Variants in EYS observed in about 807,000 individuals in gnomAD.
EYS encodes protein eyes shut homolog.
A neutral mutation model predicts 282.1 loss-of-function variants in EYS; 250 were observed. The observed-to-expected ratio is 0.89, with a 90% CI of 0.80 to 0.98. The LOEUF (loss-of-function observed/expected upper bound fraction) is 0.98. Ranked by LOEUF, EYS falls within the 50% of genes least tolerant of loss-of-function variation. The pLI, the probability that EYS is intolerant of heterozygous loss-of-function variation, is 0.00. For missense variants in EYS, 4,016 were observed against 3,709.0 expected (o/e 1.08, Z -2.15); for synonymous variants, 1,355 against 1,282.9 (o/e 1.06, Z -1.20).
intron 36 of EYS, among the ~76,000 whole-genome samples, chr6:63,822,999 ACTAT>A (rs537187337): frequency 2.6e-5 from 4 of 152,286 alleles, no homozygotes; most frequent in African/African-American, 9.6e-5. Context: ...CTTATTTGTA[ACTAT>A]CTGATGACAT....
At chr6:63,860,439 T>C (rs1772505074) in intron 36 of EYS, among the ~76,000 whole-genome samples, 1 of 152,222 alleles carries the variant, frequency 6.6e-6, no homozygotes, top group African/African-American at 2.4e-5. Context: ...GGAATATTAA[T>C]GTCTTGTAGG....
chr6:64,420,794 T>C (rs1774207648), intron 28 of EYS, among the ~76,000 whole-genome samples: 1 of 152,202 alleles, frequency 6.6e-6, no homozygotes, highest in African/African-American at 2.4e-5. Flanking sequence ...GAATCACCTT[T>C]ATTCCCGTTC....
chr6:65,099,919 C>T (rs566550968), intron 12 of EYS, among the ~76,000 whole-genome samples: 1 of 150,606 alleles, frequency 6.6e-6, no homozygotes, highest in Non-Finnish European at 1.5e-5. Flanking sequence ...CACTTCATGG[C>T]AAAGATGAAA....
chr6:63,968,597 A>G (rs780865993), intron 35 of EYS, among the ~76,000 whole-genome samples: 1 of 152,194 alleles, frequency 6.6e-6, no homozygotes, highest in Non-Finnish European at 1.5e-5. Flanking sequence ...TTCAGTTTGA[A>G]TATTAGCTAT....
chr6:65,634,664 A>G (rs1767027156), intron 2 of EYS, among the ~76,000 whole-genome samples: 1 of 152,188 alleles, frequency 6.6e-6, no homozygotes, highest in African/African-American at 2.4e-5. Flanking sequence ...GTTAATAGCA[A>G]TTTAATGTTT....
At chr6:64,643,378 G>A (rs1768240907) in intron 22 of EYS, among the ~76,000 whole-genome samples, 1 of 151,978 alleles carries the variant, frequency 6.6e-6, no homozygotes, top group African/African-American at 2.4e-5. Context: ...AATTGTCCTG[G>A]GCCAAAAACA....
At chr6:64,666,230 C>A (rs1450764499) in intron 22 of EYS, among the ~76,000 whole-genome samples, 3 of 152,150 alleles carry the variant, frequency 2.0e-5, no homozygotes, top group Non-Finnish European at 4.4e-5. Context: ...AAGTGTACCC[C>A]CAAACCTAAA....
intron 13 of EYS, among the ~76,000 whole-genome samples, chr6:65,016,394 G>GA (rs555297333): frequency 1.3e-5 from 2 of 152,136 alleles, no homozygotes; most frequent in Admixed American, 6.5e-5. Context: ...ACAAAAATGT[G>GA]AAAATGCTAA....
intron 2 of EYS, among the ~76,000 whole-genome samples, chr6:65,611,468 T>C (rs1171026029): frequency 2.6e-5 from 4 of 152,014 alleles, no homozygotes; most frequent in Non-Finnish European, 5.9e-5. Flanking sequence ...TTTTCTTAGT[T>C]TTATGTTTAG....
intron 41 of EYS, among the ~76,000 whole-genome samples, chr6:63,753,573 A>G (rs1769399813): frequency 6.6e-6 from 1 of 152,136 alleles, no homozygotes; most frequent in Non-Finnish European, 1.5e-5. Flanking sequence ...CCAAACACTT[A>G]TATTAATAAA....
At chr6:64,661,259 T>G (rs1192285435) in intron 22 of EYS, among the ~76,000 whole-genome samples, 5 of 152,130 alleles carry the variant, frequency 3.3e-5, no homozygotes, top group African/African-American at 1.2e-4. Context: ...GAGACTTACA[T>G]GTTAGACCTG....
At chr6:65,209,918 A>G (rs371628095) in intron 12 of EYS, among the ~76,000 whole-genome samples, 5 of 151,968 alleles carry the variant, frequency 3.3e-5, no homozygotes, top group African/African-American at 1.2e-4. Flanking sequence ...TTAAGAGAGT[A>G]AGAAAGTCTG....
intron 22 of EYS, among the ~76,000 whole-genome samples, chr6:64,646,743 T>C (rs972064567): frequency 6.6e-6 from 1 of 151,242 alleles, no homozygotes; most frequent in Non-Finnish European, 1.5e-5. Context: ...AGGTGGAGCT[T>C]GCAGTAAGCT....
At chr6:64,850,798 A>G (rs1289606693) in intron 19 of EYS, among the ~76,000 whole-genome samples, 1 of 152,072 alleles carries the variant, frequency 6.6e-6, no homozygotes, top group Non-Finnish European at 1.5e-5. Context: ...AATTAAGAAG[A>G]CCGATCAGAT....
chr6:64,856,574 C>G (rs1230230810), intron 19 of EYS, among the ~76,000 whole-genome samples: 4 of 152,164 alleles, frequency 2.6e-5, no homozygotes, highest in Non-Finnish European at 2.9e-5. Context: ...GCTGGGATTA[C>G]AGCTGTGAGC....
chr6:63,743,767 C>T (rs1251646321), intron 41 of EYS, among the ~76,000 whole-genome samples: 2 of 152,146 alleles, frequency 1.3e-5, no homozygotes, highest in African/African-American at 2.4e-5. Flanking sequence ...TAAAGAAGAA[C>T]ATTTGAGTAT....
At chr6:63,736,864 T>A (rs1201960708) in intron 41 of EYS, among the ~76,000 whole-genome samples, 1 of 152,052 alleles carries the variant, frequency 6.6e-6, no homozygotes, top group East Asian at 1.9e-4. Context: ...GAATGGGAGT[T>A]CACTCATGAT....
At chr6:65,670,064 T>C (rs570921783) in intron 1 of EYS, among the ~76,000 whole-genome samples, 23 of 152,146 alleles carry the variant, frequency 1.5e-4, no homozygotes, top group African/African-American at 5.3e-4. Context: ...CCTGAGAAAT[T>C]AGAACAAATA....
intron 22 of EYS, among the ~76,000 whole-genome samples, chr6:64,779,489 G>A (rs2149992335): frequency 6.6e-6 from 1 of 152,166 alleles, no homozygotes; most frequent in Middle Eastern, 3.4e-3. Flanking sequence ...GTTGGGTTGG[G>A]GGAAGGGAAG....
Sources: gnomAD v4.1 joint callset for allele counts (sites outside exome capture counted in the v4.1 genomes callset) on GRCh38, gnomAD v4.1.1 for gene constraint, MANE v1.5 for transcripts, NCBI Gene and HGNC (gene_info 2026-07-23, HGNC 2026-07-21) for gene names.